The following GPC6 variants were observed in gnomAD, a reference collection of about 807,000 sequenced individuals.
The protein encoded by GPC6 is glypican-6.
A neutral mutation model predicts 55.2 loss-of-function variants in GPC6; 14 were observed. The observed-to-expected ratio is 0.25, with a 90% CI of 0.17 to 0.40. The LOEUF (loss-of-function observed/expected upper bound fraction) is 0.40, where lower values mean the gene tolerates loss of function less well. GPC6 is among the 10% of genes least tolerant of loss of function. The pLI is 1.00. For synonymous variants in GPC6, 278 were observed against 259.6 expected (o/e 1.07, Z -0.68); for missense variants, 641 against 708.5 (o/e 0.90, Z 1.08).
chr13:94,326,696 C>T (rs1052226970), intron 6 of GPC6, among the ~76,000 whole-genome samples: 1 of 152,244 alleles, frequency 6.6e-6, no homozygotes, highest in African/African-American at 2.4e-5. Flanking sequence ...AAGAGGAATT[C>T]TATGGCCTAC....
chr13:94,054,021 A>G (rs1884045763), intron 4 of GPC6, among the ~76,000 whole-genome samples: 1 of 152,068 alleles, frequency 6.6e-6, no homozygotes, highest in Non-Finnish European at 1.5e-5. Context: ...AGGAATATGA[A>G]CACTCTGCTA....
At chr13:93,834,605 T>C (rs759634313) in intron 3 of GPC6, among the ~76,000 whole-genome samples, 4 of 152,154 alleles carry the variant, frequency 2.6e-5, no homozygotes, top group Non-Finnish European at 4.4e-5. Context: ...TGCATGTATG[T>C]GCAAGCATGT....
intron 2 of GPC6, among the ~76,000 whole-genome samples, chr13:93,766,318 G>A (rs1885129784): frequency 6.6e-6 from 1 of 152,008 alleles, no homozygotes; most frequent in Non-Finnish European, 1.5e-5. Context: ...ATTTTGCATG[G>A]GTAAGTTTCA....
At chr13:94,001,035 A>G (rs1458212778) in intron 3 of GPC6, among the ~76,000 whole-genome samples, 2 of 152,182 alleles carry the variant, frequency 1.3e-5, no homozygotes, top group East Asian at 3.9e-4. Flanking sequence ...CCTCCTATAA[A>G]AAGGCCTTAA....
intron 2 of GPC6, among the ~76,000 whole-genome samples, chr13:93,668,965 A>T (rs565065153): frequency 3.3e-5 from 5 of 152,322 alleles, no homozygotes; most frequent in African/African-American, 1.2e-4. Context: ...TTCGAATAAG[A>T]TAATTCTTCA....
At chr13:93,669,384 A>G (rs1881269440) in intron 2 of GPC6, among the ~76,000 whole-genome samples, 1 of 152,184 alleles carries the variant, frequency 6.6e-6, no homozygotes, top group Admixed American at 6.5e-5. Flanking sequence ...TACTGGAAAT[A>G]GTAGCAGCTT....
At chr13:93,771,080 A>G (rs1314946121) in intron 2 of GPC6, among the ~76,000 whole-genome samples, 1 of 152,118 alleles carries the variant, frequency 6.6e-6, no homozygotes, top group African/African-American at 2.4e-5. Flanking sequence ...TTCTGTGCCA[A>G]ACATATTGAT....
intron 3 of GPC6, among the ~76,000 whole-genome samples, chr13:93,834,725 G>A (rs765431186): frequency 1.3e-5 from 2 of 152,074 alleles, no homozygotes; most frequent in Non-Finnish European, 2.9e-5. Flanking sequence ...TTGAGTCCCT[G>A]AGCTACCCTC....
rs191746164 is a variant in GPC6 at position 94,128,152 on chromosome 13, G to C, written c.877+100258G>C. ...TAAAATCAGTGTGTTTATTTAGAAGGAAACACTTTAGACTTTTGATGAAAA... is the reference window on the plus strand; with the variant it reads ...TAAAATCAGTGTGTTTATTTAGAAGCAAACACTTTAGACTTTTGATGAAAA... On this transcript the variant is annotated intron_variant, in intron 4 of 8. Coordinates refer to ENST00000377047, the MANE Select transcript of GPC6 (RefSeq NM_005708.5). Among the ~76,000 whole-genome samples, 1,098 of 152,188 alleles carry C rather than the reference G, an allele frequency of 7.2e-3. 7 individuals are homozygous for C. Among genetic ancestry groups the C allele is most frequent in the Non-Finnish European group, 0.01 (688 of 67,998 alleles).
chr13:93,359,797 G>T (rs184117797), intron 1 of GPC6, among the ~76,000 whole-genome samples: 178 of 152,166 alleles, frequency 1.2e-3, no homozygotes, highest in Non-Finnish European at 2.2e-3. Context: ...TAGAGCATGT[G>T]GATCTTTCTG....
intron 1 of GPC6, among the ~76,000 whole-genome samples, chr13:93,312,481 A>C (rs997772410): frequency 3.9e-5 from 6 of 152,202 alleles, no homozygotes; most frequent in Non-Finnish European, 8.8e-5. Context: ...ATTAATTTAC[A>C]ACCTGATGGC....
At chr13:93,543,895 C>T (rs1882431387) in intron 1 of GPC6, among the ~76,000 whole-genome samples, 1 of 152,180 alleles carries the variant, frequency 6.6e-6, no homozygotes, top group Non-Finnish European at 1.5e-5. Context: ...TACTGTTCTC[C>T]ATAGACACTA....
chr13:93,723,377 T>C (rs1594402082), intron 2 of GPC6, among the ~76,000 whole-genome samples: 1 of 152,000 alleles, frequency 6.6e-6, no homozygotes, highest in East Asian at 1.9e-4. Context: ...CATACCCTGC[T>C]GTAATCCCCT....
chr13:94,144,265 G>A (rs748180471), intron 4 of GPC6, among the ~76,000 whole-genome samples: 1 of 152,026 alleles, frequency 6.6e-6, no homozygotes, highest in Non-Finnish European at 1.5e-5. Flanking sequence ...TTTAATAAAA[G>A]AGTGAACAGT....
At chr13:93,710,111 A>C (rs1883001982) in intron 2 of GPC6, among the ~76,000 whole-genome samples, 1 of 151,844 alleles carries the variant, frequency 6.6e-6, no homozygotes, top group African/African-American at 2.4e-5. Context: ...AGGAAACAAA[A>C]ATAGGAAGAT....
intron 3 of GPC6, among the ~76,000 whole-genome samples, chr13:93,978,411 A>T (rs1277441532): frequency 6.6e-6 from 1 of 152,216 alleles, no homozygotes; most frequent in Non-Finnish European, 1.5e-5. Context: ...AGGAGAGGAC[A>T]TATTAAGTGG....
At chr13:93,782,186 T>C (rs1885673186) in intron 2 of GPC6, among the ~76,000 whole-genome samples, 2 of 152,206 alleles carry the variant, frequency 1.3e-5, no homozygotes, top group African/African-American at 2.4e-5. Flanking sequence ...GTGATTTTTA[T>C]CATTCTGTGC....
chr13:93,795,245 A>G (rs1886160759), intron 2 of GPC6, among the ~76,000 whole-genome samples: 1 of 152,198 alleles, frequency 6.6e-6, no homozygotes, highest in African/African-American at 2.4e-5. Context: ...TGTGATAAAG[A>G]ATTAATTTTC....
At chr13:93,677,000 T>C (rs935732375) in intron 2 of GPC6, among the ~76,000 whole-genome samples, 9 of 152,244 alleles carry the variant, frequency 5.9e-5, no homozygotes, top group Non-Finnish European at 1.2e-4. Flanking sequence ...TAGTTTAAAA[T>C]AAAGATAAGA....
Sources: gnomAD v4.1 joint callset for allele counts (sites outside exome capture counted in the v4.1 genomes callset) on GRCh38, gnomAD v4.1.1 for gene constraint, MANE v1.5 for transcripts, NCBI Gene and HGNC (gene_info 2026-07-23, HGNC 2026-07-21) for gene names.